FN1: variants seen among roughly 807,000 people sequenced by gnomAD.
FN1 encodes fibronectin 1.
In FN1, 106 loss-of-function variants were observed where a neutral mutation model predicts 297.3. The ratio of observed to expected loss-of-function variants is 0.36; its 90% CI spans 0.30 to 0.42. The LOEUF (loss-of-function observed/expected upper bound fraction) is 0.42. FN1 is among the 10% of genes least tolerant of loss of function. The probability of loss-of-function intolerance (pLI) is 1.00; values close to 1 mark genes in which losing one functional copy is unlikely to be tolerated. For missense variants in FN1, 2,690 were observed against 3,124.9 expected (o/e 0.86, Z 3.32); for synonymous variants, 1,149 against 1,152.6 (o/e 1.00, Z 0.06).
chr2:215,433,480 T>C lies in FN1; in HGVS notation c.278-19A>G. The C allele has an allele frequency of 6.2e-7, 1 of 1,611,884 alleles. No homozygotes were observed. Among genetic ancestry groups the C allele is most frequent in the South Asian group, 1.1e-5 (1 of 90,846 alleles). Reference sequence around the variant, plus strand: ...TCTTCAGCTGAGGGGAAAAGGAAAGTCCATGTGAGCCTCACTTAGGTACAA... The same window carrying C: ...TCTTCAGCTGAGGGGAAAAGGAAAGCCCATGTGAGCCTCACTTAGGTACAA... On this transcript the variant is annotated intron_variant, in intron 2 of 45. Coordinates refer to ENST00000354785, the MANE Select transcript of FN1 (RefSeq NM_212482.4).
chr2:215,375,231 G>C lies in FN1; in HGVS notation c.6140C>G (p.Thr2047Arg). ...AGCAATACCAGTAATAGTAGCCTCT[G>C]TGACACCAGGGCGGGGCCGAGGGAC... ...EVVPRPRPGV[T>R]EATITGLEPG... Residue 2047 changes from threonine to arginine, a missense_variant, in exon 38 of 46, where the codon ACA becomes AGA. Around this residue, in one of 3 missense-constraint regions of FN1, gnomAD observed 1,743 missense variants for 1,945.2 expected, o/e 0.90. Coordinates refer to ENST00000354785, the MANE Select transcript of FN1 (RefSeq NM_212482.4). 1 of 1,614,138 alleles carries C rather than the reference G, an allele frequency of 6.2e-7. No individual in the cohort carries two copies. Among genetic ancestry groups the C allele is most frequent in the South Asian group, 1.1e-5 (1 of 91,086 alleles).
intron 11 of FN1, among the ~76,000 whole-genome samples, chr2:215,420,108 C>T (rs2064022480): frequency 1.3e-5 from 2 of 152,148 alleles, no homozygotes; most frequent in Non-Finnish European, 2.9e-5. Flanking sequence ...TTTGCTCATG[C>T]TGTTACACAG....
chr2:215,412,462 G>T (rs1401480071), intron 13 of FN1, among the ~76,000 whole-genome samples: 2 of 151,984 alleles, frequency 1.3e-5, no homozygotes, highest in African/African-American at 2.4e-5. Context: ...GTTGACACAG[G>T]GTCTTTCTCT....
At position 215,433,073 on chromosome 2, in the gene FN1, G is replaced by C. The variant is rs1250244; in HGVS notation, c.415+251C>G. Among the ~76,000 whole-genome samples, 116,246 of 152,028 alleles carry C rather than the reference G, an allele frequency of 0.76. 44,691 individuals carry two copies. Among genetic ancestry groups the C allele is most frequent in the East Asian group, 0.93 (4,777 of 5,158 alleles). ...AGGTCTCTTGGTTCTACTATGTACA[G>C]AAACACACACACTCATAAATGCACA... On this transcript the variant is annotated intron_variant, in intron 3 of 45. Transcript: ENST00000354785.
chr2:215,364,274 AAAG>A, intron 44 of FN1: 1 of 178,298 alleles, frequency 5.6e-6, no homozygotes, highest in South Asian at 1.3e-4. Flanking sequence ...AGAGAGGTTA[AAAG>A]AAGTGGCATT....
chr2:215,385,770 T>C (rs2105985810), intron 28 of FN1, among the ~76,000 whole-genome samples: 1 of 118,076 alleles, frequency 8.5e-6, no homozygotes, highest in Admixed American at 1.2e-4. Context: ...CAGTGTTCAG[T>C]TTTCCACCTT....
At chr2:215,408,002 A>C (rs1249997463) in intron 17 of FN1, 106 bp downstream of exon 17, 2 of 728,734 alleles carry the variant, frequency 2.7e-6, no homozygotes, top group Non-Finnish European at 4.8e-6. Context: ...CATAAATTAT[A>C]TTGGAGATTT....
chr2:215,426,643 C>G (rs761432164), intron 6 of FN1, among the ~76,000 whole-genome samples: 2 of 152,080 alleles, frequency 1.3e-5, no homozygotes, highest in Non-Finnish European at 2.9e-5. Flanking sequence ...TGGCGCCCAT[C>G]CCCTACACTC....
chr2:215,410,225 G>A, intron 13 of FN1, 111 bp from the exon 14 acceptor site: 2 of 1,081,960 alleles, frequency 1.8e-6, no homozygotes, highest in Non-Finnish European at 2.8e-6. Context: ...GCAGGACTTA[G>A]GCAGCTCCAT....
chr2:215,433,139 T>G (rs1026056028), intron 3 of FN1, among the ~76,000 whole-genome samples, 185 bp downstream of exon 3: 2 of 152,190 alleles, frequency 1.3e-5, no homozygotes, highest in African/African-American at 4.8e-5. Flanking sequence ...TGATTCCATC[T>G]GTGCTCATAC....
intron 36 of FN1, 46 bp downstream of exon 36, chr2:215,376,452 G>C: frequency 1.3e-6 from 2 of 1,535,588 alleles, no homozygotes; most frequent in Non-Finnish European, 1.8e-6. Context: ...CGTTTACATT[G>C]TGGGTATTTG....
intron 6 of FN1, among the ~76,000 whole-genome samples, chr2:215,427,155 G>A (rs1005603018): frequency 1.3e-4 from 20 of 152,148 alleles, no homozygotes; most frequent in African/African-American, 3.1e-4. Flanking sequence ...GATTACAGGC[G>A]TGAGCCACCG....
chr2:215,369,882 T>C (rs1006946724), intron 41 of FN1, among the ~76,000 whole-genome samples: 1 of 152,222 alleles, frequency 6.6e-6, no homozygotes, highest in African/African-American at 2.4e-5. Context: ...GTATTTTCTT[T>C]ATAGGTAATC....
At chr2:215,424,999 T>C (rs1370940278) in intron 7 of FN1, 95 bp downstream of exon 7, 2 of 1,143,900 alleles carry the variant, frequency 1.7e-6, no homozygotes, top group Non-Finnish European at 2.6e-6. Context: ...TACAGGCTTC[T>C]TGTTTGTTTT....
At chr2:215,427,185 A>AT (rs1195505505) in intron 6 of FN1, among the ~76,000 whole-genome samples, 1 of 151,920 alleles carries the variant, frequency 6.6e-6, no homozygotes, top group Non-Finnish European at 1.5e-5. Context: ...GATGTTTATA[A>AT]TTTTTTTTGG....
intron 38 of FN1, 29 bp from the exon 39 acceptor site, chr2:215,373,440 T>G (rs771006370): frequency 1.3e-6 from 2 of 1,572,378 alleles, no homozygotes; most frequent in South Asian, 1.1e-5. Context: ...CATCACATTA[T>G]GTCAATGGGC....
At chr2:215,411,523 G>A (rs1290700403) in intron 13 of FN1, among the ~76,000 whole-genome samples, 1 of 152,156 alleles carries the variant, frequency 6.6e-6, no homozygotes, top group East Asian at 1.9e-4. Context: ...ACATGAGCTT[G>A]TTTGGTTAGT....
chr2:215,391,910 A>AGGAAACAGAATCATAATCAT, intron 25 of FN1, 96 bp from the exon 26 acceptor site: 2 of 988,692 alleles, frequency 2.0e-6, no homozygotes, highest in South Asian at 2.7e-5. Flanking sequence ...TCATGCATAA[A>AGGAAACAGAATCATAATCAT]GGAAACAGAA....
rs552870477 is a variant in FN1, at chr2:215,366,483, A to G, written c.7019-853T>C. ...GATAAAATAAAACAAAAGCAAACAA[A>G]ATGCTAAATCATTGGTTATTATCCA... is the stretch of plus-strand genomic sequence containing the variant. On this transcript the variant is annotated intron_variant, in intron 42 of 45. Coordinates refer to ENST00000354785, the MANE Select transcript of FN1 (RefSeq NM_212482.4). Among the ~76,000 whole-genome samples the G allele has an allele frequency of 4.6e-5, 7 of 152,318 alleles. No individual in the cohort carries two copies. In the South Asian group the frequency reaches 1.5e-3, roughly 32 times the overall value.
Sources: allele counts gnomAD v4.1 joint callset (sites outside exome capture counted in the v4.1 genomes callset), GRCh38; gene constraint gnomAD v4.1.1; regional missense constraint gnomAD v4.1.1; transcripts MANE v1.5; gene names NCBI Gene and HGNC (gene_info 2026-07-23, HGNC 2026-07-21).